DLGAP4: variants seen among roughly 807,000 people sequenced by gnomAD.
The protein encoded by DLGAP4 is disks large-associated protein 4.
A neutral mutation model predicts 86.9 loss-of-function variants in DLGAP4; 18 were observed. The observed-to-expected ratio is 0.21, with a 90% CI of 0.14 to 0.31. DLGAP4 has a LOEUF of 0.31. DLGAP4 is among the 10% of genes least tolerant of loss of function. DLGAP4 has a pLI of 1.00. For missense variants in DLGAP4, 1,085 were observed against 1,362.6 expected, an observed-to-expected ratio of 0.80 and a Z score of 3.21; for synonymous variants, 548 against 574.3, an observed-to-expected ratio of 0.95 and a Z score of 0.65.
At chr20:36,462,457 C>A in intron 7 of DLGAP4, 1 of 1,540,406 alleles carries the variant, frequency 6.5e-7, no homozygotes, top group Admixed American at 2.3e-5. Context: ...CTTGGCCCCC[C>A]CTTGCTTTTT....
chr20:36,409,766 G>C (rs917453316), intron 2 of DLGAP4, among the ~76,000 whole-genome samples: 2 of 151,330 alleles, frequency 1.3e-5, no homozygotes, highest in Non-Finnish European at 2.9e-5. Context: ...GGGCGCAGTG[G>C]CTCAAGCCTG....
chr20:36,429,398 CT>C lies in DLGAP4; in HGVS notation c.-72-2224del, dbSNP rs151254062. 8.6e-3 allele frequency among the ~76,000 whole-genome samples: 654 copies of C among 76,026 alleles called. 4 individuals are homozygous for C. Among genetic ancestry groups the C allele is most frequent in the African/African-American group, 0.029 (577 of 19,570 alleles). The allele number at this position is 76,026 out of a possible 152,430, so 49.9% of individuals were successfully genotyped here. ...CTGGCCCATTCCTGTTTCTTTTTTT[CT>C]TTTTTTTTTTTTTTTTTTTTTTTGA... On this transcript the variant is annotated intron_variant, in intron 2 of 12. Transcript: ENST00000339266.
Position 36,308,689 on chromosome 20 carries a change from A to T in DLGAP4, c.-304+2177A>T, listed in dbSNP as rs1188807129. Among the ~76,000 whole-genome samples the T allele has an allele frequency of 2.0e-5, 3 of 152,150 alleles. No individual in the cohort carries two copies. The highest frequency in any genetic ancestry group is 7.2e-5 in the African/African-American group (3 of 41,420). On this transcript the variant is annotated intron_variant, in intron 1 of 12. Coordinates refer to ENST00000339266, the MANE Select transcript of DLGAP4 (RefSeq NM_001365621.2). This position sits in a 1 kb window ranked among gnomAD's most constrained non-coding sequence, Gnocchi z 4.5. ...TCGTAAATGCCAGCAGTTTCACATG[A>T]TGGGGAGGCTCTGAGGAACTGTATC...
chr20:36,461,419 A>C (rs1468144941), intron 7 of DLGAP4: 1 of 954,890 alleles, frequency 1.0e-6, no homozygotes, highest in Non-Finnish European at 1.2e-6. Context: ...GGGGGCGGGG[A>C]GGGGCGGGGC....
chr20:36,505,030 C>G (rs1016299747), intron 10 of DLGAP4, among the ~76,000 whole-genome samples: 1 of 151,756 alleles, frequency 6.6e-6, no homozygotes, highest in Admixed American at 6.6e-5. Context: ...CTCTGTTGCC[C>G]AGACTGGAGT....
At chr20:36,429,545 T>G (rs1600517471) in intron 2 of DLGAP4, among the ~76,000 whole-genome samples, 1 of 151,630 alleles carries the variant, frequency 6.6e-6, no homozygotes, top group East Asian at 1.9e-4. Flanking sequence ...GTAGCTGGCA[T>G]TACAAGCACA....
intron 7 of DLGAP4, among the ~76,000 whole-genome samples, chr20:36,453,730 C>G (rs1026672108): frequency 1.4e-5 from 2 of 145,566 alleles, no homozygotes; most frequent in Non-Finnish European, 3.0e-5. Context: ...GTCAGGAGTT[C>G]GAGACCAGCC....
At chr20:36,479,415 C>G (rs1170727560) in intron 7 of DLGAP4, among the ~76,000 whole-genome samples, 1 of 152,060 alleles carries the variant, frequency 6.6e-6, no homozygotes, top group Non-Finnish European at 1.5e-5. Flanking sequence ...GCCACCCTGC[C>G]TTCAGGAGGC....
chr20:36,517,139 G>A (rs1438331547), intron 10 of DLGAP4, among the ~76,000 whole-genome samples: 1 of 151,638 alleles, frequency 6.6e-6, no homozygotes, highest in Non-Finnish European at 1.5e-5. Context: ...AGCACTTTCG[G>A]AGGCCGAGGT....
At chr20:36,325,439 G>T (rs1222815583) in intron 1 of DLGAP4, among the ~76,000 whole-genome samples, 3 of 152,180 alleles carry the variant, frequency 2.0e-5, no homozygotes, top group Non-Finnish European at 2.9e-5. Flanking sequence ...AGGGGATGGA[G>T]TGTTCTATAA....
Position 36,334,314 on chromosome 20 carries a change from C to A in DLGAP4, c.-304+27802C>A, listed in dbSNP as rs954364545. Among the ~76,000 whole-genome samples, 16 of 152,062 alleles carry A rather than the reference C, an allele frequency of 1.1e-4. No homozygotes were observed. In the East Asian group the frequency reaches 2.9e-3, roughly 27 times the overall value. On this transcript the variant is annotated intron_variant, in intron 1 of 12. Coordinates refer to ENST00000339266, the MANE Select transcript of DLGAP4 (RefSeq NM_001365621.2). The stretch of plus-strand genomic sequence containing the variant: ...GAGGCTGAGCTCTGCTGGCTGATGG[C>A]GAGCTGGTCAGGGAGGTGTCTGACC...
Position 36,527,048 on chromosome 20 carries a change from A to G in DLGAP4, c.*17A>G. ...AGGCTCTGAGACCATGCAGGAGGAA[A>G]GAAACGATTTTAAATCATTAAAAAC... On this transcript the variant is annotated 3_prime_UTR_variant, in exon 13 of 13. Coordinates refer to ENST00000339266, the MANE Select transcript of DLGAP4 (RefSeq NM_001365621.2). The G allele has an allele frequency of 6.4e-7, 1 of 1,569,136 alleles. No individual in the cohort carries two copies. The highest frequency in any genetic ancestry group is 8.6e-7 in the Non-Finnish European group (1 of 1,158,564).
chr20:36,310,179 AAAAAGAAAGAAAGAAAGAAAGAAAG>A (rs2065039709), intron 1 of DLGAP4, among the ~76,000 whole-genome samples: 1 of 111,842 alleles, frequency 8.9e-6, no homozygotes, highest in African/African-American at 4.9e-5. Flanking sequence ...ACAAAAAAAA[AAAAAGAAAGAAAGAAAGAAAGAAAG>A]AAAGAAAGAA....
chr20:36,507,862 T>C (rs2036465238), intron 10 of DLGAP4: 2 of 152,250 alleles, frequency 1.3e-5, no homozygotes, highest in Admixed American at 1.3e-4. Flanking sequence ...GGTATGGAAT[T>C]ACCTAAAGGT....
intron 1 of DLGAP4, among the ~76,000 whole-genome samples, chr20:36,336,557 T>A (rs4072255): frequency 6.6e-6 from 1 of 152,154 alleles, no homozygotes; most frequent in Non-Finnish European, 1.5e-5. Context: ...TTGGCTTACA[T>A]CTTATCTCCA....
At chr20:36,343,437 G>T (rs1196698252) in intron 1 of DLGAP4, among the ~76,000 whole-genome samples, 1 of 152,114 alleles carries the variant, frequency 6.6e-6, no homozygotes, top group Non-Finnish European at 1.5e-5. Flanking sequence ...CAGAGTCAGT[G>T]CCACATCATA....
intron 2 of DLGAP4, among the ~76,000 whole-genome samples, chr20:36,377,991 G>A (rs1399536125): frequency 6.6e-6 from 1 of 152,176 alleles, no homozygotes; most frequent in Non-Finnish European, 1.5e-5. Context: ...TCCTTCCAGG[G>A]GGCTGGAGCA....
At chr20:36,400,062 T>C (rs80301389) in intron 2 of DLGAP4, among the ~76,000 whole-genome samples, 1,852 of 152,318 alleles carry the variant, frequency 0.012, 26 homozygotes, top group South Asian at 0.051. Context: ...ATAACGAAAC[T>C]GAAACAAACA....
chr20:36,333,975 C>A (rs2065295765), intron 1 of DLGAP4, among the ~76,000 whole-genome samples: 2 of 152,264 alleles, frequency 1.3e-5, no homozygotes, highest in Non-Finnish European at 2.9e-5. Flanking sequence ...CCCAGCGACC[C>A]ACAACCCACA....
Sources: allele counts gnomAD v4.1 joint callset (sites outside exome capture counted in the v4.1 genomes callset), GRCh38; gene constraint gnomAD v4.1.1; non-coding constraint Gnocchi (gnomAD v3.1); transcripts MANE v1.5; gene names NCBI Gene and HGNC (gene_info 2026-07-23, HGNC 2026-07-21).